Variants in MOCOS observed in about 807,000 individuals in gnomAD.
MOCOS encodes molybdenum cofactor sulfurase.
In MOCOS, 86 loss-of-function variants were observed where a neutral mutation model predicts 83.6. The observed-to-expected ratio is 1.03, with a 90% CI of 0.86 to 1.23. The LOEUF is 1.23. Among genes scored for constraint, MOCOS ranks in the 50% most tolerant of loss-of-function variants. The pLI, the probability that MOCOS is intolerant of heterozygous loss-of-function variation, is 0.00. For synonymous variants in MOCOS, 445 were observed against 434.7 expected (o/e 1.02, Z -0.29); for missense variants, 1,120 against 1,126.9 (o/e 0.99, Z 0.09).
At chr18:36,254,206 A>G (rs114422191) in intron 11 of MOCOS, among the ~76,000 whole-genome samples, 2 of 152,184 alleles carry the variant, frequency 1.3e-5, no homozygotes, top group African/African-American at 4.8e-5. Flanking sequence ...TTGAGTTGGT[A>G]TACCTTAGAA....
intron 4 of MOCOS, among the ~76,000 whole-genome samples, chr18:36,201,663 CAAAAAA>C (rs200846253): frequency 1.4e-5 from 1 of 69,440 alleles, no homozygotes; most frequent in Non-Finnish European, 2.8e-5. Flanking sequence ...ACTCCATCTC[CAAAAAA>C]AAAAAAAAAA....
At chr18:36,265,425 G>A (rs1405384081) in intron 13 of MOCOS, among the ~76,000 whole-genome samples, 1 of 152,192 alleles carries the variant, frequency 6.6e-6, no homozygotes, top group Non-Finnish European at 1.5e-5. Context: ...TTTCACACCA[G>A]TAACAGGAAC....
At chr18:36,221,845 C>T (rs2091497335) in intron 9 of MOCOS, among the ~76,000 whole-genome samples, 1 of 151,780 alleles carries the variant, frequency 6.6e-6, no homozygotes, top group Non-Finnish European at 1.5e-5. Context: ...TGTGCTTCAG[C>T]CTCCCGAGTA....
At chr18:36,214,263 GA>G (rs1555652316) in intron 7 of MOCOS, among the ~76,000 whole-genome samples, 4 of 37,126 alleles carry the variant, frequency 1.1e-4, no homozygotes, top group Admixed American at 5.1e-4. Flanking sequence ...AAAAAAAAAA[GA>G]AAAGAAAAAA....
At chr18:36,235,034 C>T (rs944489502) in intron 9 of MOCOS, among the ~76,000 whole-genome samples, 2 of 152,114 alleles carry the variant, frequency 1.3e-5, no homozygotes, top group Non-Finnish European at 2.9e-5. Context: ...CAGAGCCACA[C>T]CATATTATTC....
intron 9 of MOCOS, among the ~76,000 whole-genome samples, chr18:36,245,529 T>C (rs1466931243): frequency 6.6e-6 from 1 of 152,330 alleles, no homozygotes; most frequent in South Asian, 2.1e-4. Context: ...TTTGGGTTAC[T>C]GATGCTTTTG....
chr18:36,258,563 T>C (rs1028515778), intron 12 of MOCOS, among the ~76,000 whole-genome samples: 2 of 152,096 alleles, frequency 1.3e-5, no homozygotes, highest in African/African-American at 4.8e-5. Context: ...CATACGTTGT[T>C]TGCCATTCAA....
intron 9 of MOCOS, among the ~76,000 whole-genome samples, chr18:36,239,264 G>A (rs189525039): frequency 0.022 from 3,345 of 151,808 alleles, 125 homozygotes; most frequent in African/African-American, 0.077. Context: ...ATTTTGCAGC[G>A]GCTGGTACCA....
intron 13 of MOCOS, among the ~76,000 whole-genome samples, chr18:36,265,118 G>T (rs2091677355): frequency 6.6e-6 from 1 of 152,164 alleles, no homozygotes; most frequent in Non-Finnish European, 1.5e-5. Flanking sequence ...CAGTTCATTG[G>T]TGGAGACGCT....
rs1160602985 is a variant in MOCOS at position 36,205,076 on chromosome 18, G to A, written c.1019-1G>A. 6.3e-7 allele frequency: 1 copy of A among 1,597,500 alleles called. No homozygotes were observed. The highest frequency in any genetic ancestry group is 8.6e-7 in the Non-Finnish European group (1 of 1,169,072). On this transcript the variant is annotated splice_acceptor_variant, in intron 5 of 14. Coordinates refer to ENST00000261326, the MANE Select transcript of MOCOS (RefSeq NM_017947.4). LOFTEE classifies it high-confidence loss of function. ...CTCTTGTGTTTCATGATTGATTTGA[G>A]GTGGAATGGAGAATATAAAGCAGCA...
chr18:36,208,880 G>A (rs960903037), intron 6 of MOCOS, among the ~76,000 whole-genome samples: 7 of 152,188 alleles, frequency 4.6e-5, no homozygotes, highest in Non-Finnish European at 8.8e-5. Flanking sequence ...CAGTTTTCAA[G>A]GGAAGGGCTT....
intron 1 of MOCOS, among the ~76,000 whole-genome samples, chr18:36,191,811 A>G (rs1219567256): frequency 1.3e-5 from 2 of 152,208 alleles, no homozygotes; most frequent in African/African-American, 4.8e-5. Flanking sequence ...GTTTGTGTTT[A>G]AGGTCTTTCT....
intron 9 of MOCOS, among the ~76,000 whole-genome samples, chr18:36,238,002 C>A (rs187539431): frequency 6.6e-6 from 1 of 150,814 alleles, no homozygotes; most frequent in South Asian, 2.1e-4. Flanking sequence ...TTTTTTATTG[C>A]GTCTATTTGA....
chr18:36,272,073 G>T lies in MOCOS; in HGVS notation c.*3388G>T, dbSNP rs1262227091. ...GTATGTTTAAGCTATAGGATGGCAG[G>T]TGCATGAGTGTTGGTTGTATTATTC... On this transcript the variant is annotated 3_prime_UTR_variant, in exon 15 of 15. Transcript: ENST00000261326. The T allele has an allele frequency of 6.6e-6, 1 of 152,170 alleles. No homozygotes were observed. Among genetic ancestry groups the T allele is most frequent in the African/African-American group, 2.4e-5 (1 of 41,432 alleles). 9.4% of individuals were successfully genotyped at this position (152,170 alleles called of 1,614,324 possible). A position where few individuals can be genotyped will look rare whatever the true frequency, so the allele number is the denominator to read the frequency against.
In MOCOS at chr18:36,268,683, TAAA is replaced by T; in HGVS notation, c.*4_*6del. On this transcript the variant is annotated stop_retained_variant and 3_prime_UTR_variant, in exon 15 of 15. Coordinates refer to ENST00000261326, the MANE Select transcript of MOCOS (RefSeq NM_017947.4). ...TGAGAAACACCAGGATGTTACCTCCTAAAAAAAATTTTTAGCATAAAGTTTCTC... is the reference window on the plus strand; with the variant it reads ...TGAGAAACACCAGGATGTTACCTCCTAAAAATTTTTAGCATAAAGTTTCTC... 1 of 1,553,408 alleles carries T rather than the reference TAAA, an allele frequency of 6.4e-7. No homozygotes were observed. Among genetic ancestry groups the T allele is most frequent in the Non-Finnish European group, 8.6e-7 (1 of 1,156,584 alleles).
At chr18:36,211,050 A>G (rs17740112) in intron 6 of MOCOS, among the ~76,000 whole-genome samples, 27,894 of 151,460 alleles carry the variant, frequency 0.18, 3,324 homozygotes, top group South Asian at 0.38. Flanking sequence ...GAGGAAGCTC[A>G]TTGTGTGAAT....
chr18:36,213,548 T>A, intron 7 of MOCOS, 66 bp downstream of exon 7: 1 of 1,333,562 alleles, frequency 7.5e-7, no homozygotes, highest in East Asian at 2.3e-5. Context: ...TTGCTGCCTG[T>A]GTGTCTGGGG....
intron 9 of MOCOS, among the ~76,000 whole-genome samples, chr18:36,229,677 T>C (rs2091530705): frequency 6.6e-6 from 1 of 152,126 alleles, no homozygotes; most frequent in South Asian, 2.1e-4. Context: ...CCCCTAGGCT[T>C]ACTTCACTGT....
intron 9 of MOCOS, among the ~76,000 whole-genome samples, chr18:36,241,865 C>T (rs1455245415): frequency 6.6e-6 from 1 of 152,346 alleles, no homozygotes; most frequent in Non-Finnish European, 1.5e-5. Context: ...GAAGCAATAG[C>T]CCAAGTTGTA....
Sources: allele counts gnomAD v4.1 joint callset (sites outside exome capture counted in the v4.1 genomes callset), GRCh38; gene constraint gnomAD v4.1.1; transcripts MANE v1.5; gene names NCBI Gene and HGNC (gene_info 2026-07-23, HGNC 2026-07-21).